The following TENM2 variants were observed in gnomAD, a reference collection of about 807,000 sequenced individuals.
TENM2 encodes the protein teneurin-2.
In TENM2, 52 loss-of-function variants were observed where a neutral mutation model predicts 245.2. That is an observed-to-expected ratio of 0.21 (90% CI 0.17 to 0.27). The LOEUF (loss-of-function observed/expected upper bound fraction) is 0.27, where lower values mean the gene tolerates loss of function less well. Ranked by LOEUF, TENM2 falls within the 10% of genes least tolerant of loss-of-function variation. The pLI, the probability that TENM2 is intolerant of heterozygous loss-of-function variation, is 1.00. For synonymous variants in TENM2, 1,363 were observed against 1,438.9 expected, an observed-to-expected ratio of 0.95 and a Z score of 1.19; for missense variants, 3,046 against 3,666.8, an observed-to-expected ratio of 0.83 and a Z score of 4.37.
intron 2 of TENM2, among the ~76,000 whole-genome samples, chr5:167,858,089 A>T (rs1379521581): frequency 6.6e-6 from 1 of 152,210 alleles, no homozygotes; most frequent in Non-Finnish European, 1.5e-5. Context: ...AATCTCAGGG[A>T]CAGAGCTATC....
chr5:167,829,493 T>C (rs925409713), intron 2 of TENM2, among the ~76,000 whole-genome samples: 3 of 152,200 alleles, frequency 2.0e-5, no homozygotes, highest in Admixed American at 1.3e-4. Flanking sequence ...CCACAGACAT[T>C]CTTTTGTCAA....
At chr5:168,210,372 C>A (rs900213016) in intron 19 of TENM2, among the ~76,000 whole-genome samples, 2 of 152,156 alleles carry the variant, frequency 1.3e-5, no homozygotes, top group Non-Finnish European at 2.9e-5. Flanking sequence ...GGCCTGCAGA[C>A]CCAAATCCCA....
At chr5:167,771,096 A>G (rs943393152) in intron 2 of TENM2, among the ~76,000 whole-genome samples, 2 of 152,118 alleles carry the variant, frequency 1.3e-5, no homozygotes, top group African/African-American at 2.4e-5. Flanking sequence ...AGAAAAAGAG[A>G]GCAACATCAC....
At chr5:167,682,266 G>A (rs4993463) in intron 2 of TENM2, among the ~76,000 whole-genome samples, 62,357 of 151,466 alleles carry the variant, frequency 0.41, 15,059 homozygotes, top group East Asian at 0.91. Context: ...AGGTTCAAGC[G>A]ATTCTTGTGT....
At chr5:167,302,613 G>T (rs746716678) in intron 1 of TENM2, among the ~76,000 whole-genome samples, 4 of 151,860 alleles carry the variant, frequency 2.6e-5, no homozygotes, top group Non-Finnish European at 4.4e-5. Flanking sequence ...GCGTGGAAAA[G>T]GATCAGGGTG....
chr5:168,202,352 A>T (rs1372065264), intron 17 of TENM2, among the ~76,000 whole-genome samples: 1 of 152,054 alleles, frequency 6.6e-6, no homozygotes, highest in Non-Finnish European at 1.5e-5. Context: ...TACCATTATG[A>T]ACTCATGGAC....
At chr5:167,963,123 C>T (rs1272483240) in intron 4 of TENM2, among the ~76,000 whole-genome samples, 6 of 152,016 alleles carry the variant, frequency 3.9e-5, no homozygotes, top group Admixed American at 6.6e-5. Flanking sequence ...GTGGAAGAAG[C>T]GATTTACTAT....
At chr5:167,963,781 T>C (rs1781187646) in intron 4 of TENM2, among the ~76,000 whole-genome samples, 2 of 151,128 alleles carry the variant, frequency 1.3e-5, no homozygotes, top group Non-Finnish European at 2.9e-5. Context: ...CTCTGAACTA[T>C]GCTGCTTTTT....
At chr5:167,040,063 T>C in the TENM2 span, among the ~76,000 whole-genome samples, 5 of 152,140 alleles carry the variant, frequency 3.3e-5, no homozygotes, top group African/African-American at 9.6e-5. Flanking sequence ...TAAGGTTCAT[T>C]TACTCATATA....
chr5:167,597,550 C>T (rs1776308866), intron 2 of TENM2, among the ~76,000 whole-genome samples: 1 of 152,158 alleles, frequency 6.6e-6, no homozygotes, highest in African/African-American at 2.4e-5. Context: ...GAGTGGTTCA[C>T]TTTAAACAGA....
intron 12 of TENM2, among the ~76,000 whole-genome samples, chr5:168,148,935 A>G (rs528367065): frequency 2.6e-5 from 4 of 151,662 alleles, no homozygotes; most frequent in African/African-American, 9.7e-5. Flanking sequence ...AGATAGCACA[A>G]GCTTTTTAAG....
intron 2 of TENM2, among the ~76,000 whole-genome samples, chr5:167,472,729 AACAG>A (rs1419903740): frequency 1.3e-5 from 2 of 152,232 alleles, no homozygotes; most frequent in Non-Finnish European, 2.9e-5. Flanking sequence ...CTTCGTGCTA[AACAG>A]ACAGTTTAAT....
intron 2 of TENM2, among the ~76,000 whole-genome samples, chr5:167,842,147 G>A (rs548660099): frequency 2.9e-4 from 44 of 152,084 alleles, no homozygotes; most frequent in African/African-American, 8.4e-4. Flanking sequence ...AGAAGCTGGC[G>A]TCATTGCCAT....
At chr5:167,951,627 G>A (rs1052357819) in intron 3 of TENM2, among the ~76,000 whole-genome samples, 8 of 152,084 alleles carry the variant, frequency 5.3e-5, no homozygotes, top group East Asian at 1.9e-4. Flanking sequence ...TTAAAAAAAC[G>A]CAGGATGCAA....
intron 2 of TENM2, among the ~76,000 whole-genome samples, chr5:167,606,299 A>G (rs1777037984): frequency 6.6e-6 from 1 of 152,062 alleles, no homozygotes; most frequent in Non-Finnish European, 1.5e-5. Context: ...GGAGCCTGAA[A>G]GTCTGAGATC....
At chr5:168,061,674 G>C (rs1258176715) in intron 6 of TENM2, among the ~76,000 whole-genome samples, 2 of 152,092 alleles carry the variant, frequency 1.3e-5, no homozygotes, top group Non-Finnish European at 2.9e-5. Flanking sequence ...ATAATGAAAG[G>C]CTACAAGAAT....
intron 2 of TENM2, among the ~76,000 whole-genome samples, chr5:167,411,062 A>G (rs145330567): frequency 7.4e-4 from 112 of 152,192 alleles, no homozygotes; most frequent in African/African-American, 2.6e-3. Context: ...TTAGAAACAC[A>G]TTGTTGTGCA....
intron 2 of TENM2, among the ~76,000 whole-genome samples, chr5:167,762,295 C>T (rs1206869333): frequency 2.0e-5 from 3 of 152,164 alleles, no homozygotes; most frequent in Non-Finnish European, 4.4e-5. Flanking sequence ...TTGTTTCACT[C>T]TTAGGTGTGG....
chr5:167,119,885 G>T, the TENM2 span, among the ~76,000 whole-genome samples: 59 of 152,200 alleles, frequency 3.9e-4, no homozygotes, highest in African/African-American at 1.3e-3. Context: ...AAGGTAATGT[G>T]ACAAGAAATG....
Sources: gnomAD v4.1 joint callset for allele counts (sites outside exome capture counted in the v4.1 genomes callset) on GRCh38, gnomAD v4.1.1 for gene constraint, MANE v1.5 for transcripts, NCBI Gene and HGNC (gene_info 2026-07-23, HGNC 2026-07-21) for gene names.